KCNK2: variants seen among roughly 807,000 people sequenced by gnomAD.
KCNK2 encodes the protein potassium channel subfamily K member 2.
KCNK2 carries 21 observed loss-of-function variants against 40.5 expected under a neutral mutation model. The observed-to-expected ratio is 0.52, with a 90% CI of 0.37 to 0.75. The LOEUF (loss-of-function observed/expected upper bound fraction) is 0.75, where lower values mean the gene tolerates loss of function less well. Ranked by LOEUF, KCNK2 falls within the 30% of genes least tolerant of loss-of-function variation. The probability of loss-of-function intolerance (pLI) is 0.00; values close to 1 mark genes in which losing one functional copy is unlikely to be tolerated. For missense variants in KCNK2, 399 were observed against 531.6 expected (o/e 0.75, Z 2.45); for synonymous variants, 191 against 202.2 (o/e 0.94, Z 0.47).
chr1:215,132,559 G>T (rs549268949), intron 3 of KCNK2, among the ~76,000 whole-genome samples: 1 of 152,122 alleles, frequency 6.6e-6, no homozygotes, highest in Admixed American at 6.6e-5. Context: ...GAAAGTAGAT[G>T]ATTATTTTTC....
At chr1:215,023,021 A>T (rs1656862272) in intron 1 of KCNK2, among the ~76,000 whole-genome samples, 1 of 152,224 alleles carries the variant, frequency 6.6e-6, no homozygotes. Flanking sequence ...ACAATATCTA[A>T]GTATGAACAG....
chr1:215,199,775 A>G lies in KCNK2; in HGVS notation c.963+4683A>G, dbSNP rs188585243. Among the ~76,000 whole-genome samples, 282 of 152,358 alleles carry G rather than the reference A, an allele frequency of 1.9e-3. 1 individual carries two copies. Among genetic ancestry groups the G allele is most frequent in the Middle Eastern group, 0.014 (4 of 294 alleles). On this transcript the variant is annotated intron_variant, in intron 6 of 6. Coordinates refer to ENST00000444842, the MANE Select transcript of KCNK2 (RefSeq NM_001017425.3). ...TACTGCTACCTGAGGGAGGCATAAT[A>G]GAAATAAGATGTGACCACAAGACTC... is the stretch of plus-strand genomic sequence containing the variant.
At chr1:215,110,675 A>G (rs1428873560) in intron 2 of KCNK2, among the ~76,000 whole-genome samples, 1 of 152,046 alleles carries the variant, frequency 6.6e-6, no homozygotes, top group East Asian at 1.9e-4. Context: ...AAAATTTAAT[A>G]TACTATTTTT....
chr1:215,036,349 C>T (rs1320069753), intron 1 of KCNK2, among the ~76,000 whole-genome samples: 2 of 151,824 alleles, frequency 1.3e-5, no homozygotes, highest in African/African-American at 4.8e-5. Context: ...AGTCATCTAT[C>T]TATGTGTAAG....
In KCNK2 at chr1:215,216,436, T is replaced by C. The variant is rs111941850; in HGVS notation, c.964-18392T>C. On this transcript the variant is annotated intron_variant, in intron 6 of 6. Transcript: ENST00000444842. ...TGTATATTATATGTTATAATATATA[T>C]TTGTATATCAGATTATTATATGTAA... Among the ~76,000 whole-genome samples, 317 of 148,246 alleles carry C rather than the reference T, an allele frequency of 2.1e-3. 1 individual carries two copies. Among genetic ancestry groups the C allele is most frequent in the African/African-American group, 7.5e-3 (308 of 40,876 alleles).
chr1:215,012,992 A>G (rs868026348), intron 1 of KCNK2, among the ~76,000 whole-genome samples: 6 of 152,076 alleles, frequency 3.9e-5, no homozygotes, highest in Non-Finnish European at 7.4e-5. Flanking sequence ...TTCTTTTTTC[A>G]GAATATTTGT....
chr1:215,044,722 A>G (rs557216003), intron 1 of KCNK2, among the ~76,000 whole-genome samples: 4 of 152,222 alleles, frequency 2.6e-5, no homozygotes, highest in African/African-American at 9.6e-5. Context: ...GGAACATATA[A>G]AAGTTGGACC....
intron 2 of KCNK2, among the ~76,000 whole-genome samples, chr1:215,123,785 A>G (rs563723672): frequency 1.1e-4 from 16 of 152,174 alleles, no homozygotes; most frequent in Non-Finnish European, 2.2e-4. Flanking sequence ...CAACTGAAAC[A>G]TCATCCTCTG....
intron 1 of KCNK2, among the ~76,000 whole-genome samples, chr1:215,040,920 C>T (rs1239023259): frequency 1.3e-5 from 2 of 152,116 alleles, no homozygotes; most frequent in Non-Finnish European, 2.9e-5. Flanking sequence ...GCTCTTTAGT[C>T]GCTCCCCAAC....
chr1:215,233,570 G>A (rs981763655), intron 6 of KCNK2, among the ~76,000 whole-genome samples: 3 of 151,946 alleles, frequency 2.0e-5, no homozygotes, highest in African/African-American at 7.3e-5. Context: ...TCAGATGAGT[G>A]TAAACATTTA....
At chr1:215,085,296 A>G (rs1010396047) in intron 1 of KCNK2, among the ~76,000 whole-genome samples, 4 of 152,064 alleles carry the variant, frequency 2.6e-5, no homozygotes, top group Non-Finnish European at 5.9e-5. Flanking sequence ...TAAAAGTCTT[A>G]TTTTTCGGCC....
intron 1 of KCNK2, among the ~76,000 whole-genome samples, chr1:215,006,343 A>G (rs1656127220): frequency 6.6e-6 from 1 of 152,196 alleles, no homozygotes; most frequent in Non-Finnish European, 1.5e-5. Flanking sequence ...GTTCATATAC[A>G]GATTTACACA....
At chr1:215,084,489 T>C (rs1012829773) in intron 1 of KCNK2, among the ~76,000 whole-genome samples, 12 of 152,168 alleles carry the variant, frequency 7.9e-5, no homozygotes, top group African/African-American at 2.7e-4. Context: ...ATGGCTAAAT[T>C]TTAAATTATG....
chr1:215,098,472 C>T (rs1249601763), intron 2 of KCNK2, among the ~76,000 whole-genome samples: 1 of 151,800 alleles, frequency 6.6e-6, no homozygotes, highest in East Asian at 1.9e-4. Flanking sequence ...GTGTCTCTTT[C>T]TCCTGGATTG....
At chr1:215,169,487 T>A in intron 4 of KCNK2, 128 bp downstream of exon 4, 1 of 669,780 alleles carries the variant, frequency 1.5e-6, no homozygotes, top group Non-Finnish European at 2.5e-6. Context: ...TTTATATGCA[T>A]CTCTACTGGC....
intron 1 of KCNK2, among the ~76,000 whole-genome samples, chr1:215,036,484 CTT>C (rs35958350): frequency 1.1e-4 from 17 of 151,124 alleles, no homozygotes; most frequent in South Asian, 4.2e-4. Flanking sequence ...CAATTTTGTT[CTT>C]TTTTTTTTAA....
intron 5 of KCNK2, among the ~76,000 whole-genome samples, chr1:215,194,031 AT>A (rs1483566704): frequency 6.6e-6 from 1 of 152,076 alleles, no homozygotes; most frequent in East Asian, 1.9e-4. Flanking sequence ...CCATCATGCA[AT>A]ATACCCCATT....
chr1:215,026,054 A>G (rs1172850021), intron 1 of KCNK2, among the ~76,000 whole-genome samples: 2 of 151,804 alleles, frequency 1.3e-5, no homozygotes, highest in African/African-American at 2.4e-5. Flanking sequence ...TCATAGGGTT[A>G]AAGTGATCAT....
chr1:215,127,710 GAA>G (rs1661494837), intron 3 of KCNK2, among the ~76,000 whole-genome samples: 2 of 152,200 alleles, frequency 1.3e-5, no homozygotes, highest in South Asian at 4.1e-4. Flanking sequence ...CAAGCTCTAT[GAA>G]GTTAGGGATT....
Sources: gnomAD v4.1 joint callset for allele counts (sites outside exome capture counted in the v4.1 genomes callset) on GRCh38, gnomAD v4.1.1 for gene constraint, MANE v1.5 for transcripts, NCBI Gene and HGNC (gene_info 2026-07-23, HGNC 2026-07-21) for gene names.